Variants in NFIL3 observed in about 807,000 individuals in gnomAD.
NFIL3 encodes nuclear factor, interleukin 3 regulated.
A neutral mutation model predicts 10.0 loss-of-function variants in NFIL3; 5 were observed. The ratio of observed to expected loss-of-function variants is 0.50; its 90% confidence interval spans 0.26 to 1.06. The LOEUF is 1.06. Ranked by LOEUF, NFIL3 falls within the 50% of genes least tolerant of loss-of-function variation. NFIL3 has a pLI of 0.13. For synonymous variants in NFIL3, 202 were observed against 206.5 expected (o/e 0.98, Z 0.19); for missense variants, 436 against 547.6 (o/e 0.80, Z 2.03).
the NFIL3 span, among the ~76,000 whole-genome samples, chr9:91,467,566 T>C: frequency 1.8e-4 from 27 of 152,326 alleles, no homozygotes; most frequent in African/African-American, 4.6e-4. Flanking sequence ...CTTTGAGTTC[T>C]AGGGTACATG....
upstream of NFIL3, among the ~76,000 whole-genome samples, chr9:91,427,748 C>T: frequency 6.6e-6 from 1 of 152,116 alleles, no homozygotes; most frequent in East Asian, 1.9e-4. Context: ...TCAAGCAAAC[C>T]TCCAACCTCA....
chr9:91,476,463 T>C, the NFIL3 span, among the ~76,000 whole-genome samples: 1 of 151,848 alleles, frequency 6.6e-6, no homozygotes, highest in African/African-American at 2.4e-5. Flanking sequence ...ATCCCAGCTA[T>C]TCTGGAGGCT....
chr9:91,468,447 C>A, the NFIL3 span, among the ~76,000 whole-genome samples: 3 of 151,998 alleles, frequency 2.0e-5, no homozygotes, highest in African/African-American at 7.2e-5. Context: ...GCCCTTTGTC[C>A]GATGAGTAGA....
At chr9:91,445,485 G>T in the NFIL3 span, among the ~76,000 whole-genome samples, 1 of 152,190 alleles carries the variant, frequency 6.6e-6, no homozygotes, top group Non-Finnish European at 1.5e-5. Context: ...TTTTAGGGAG[G>T]CAGGGCCTTT....
At chr9:91,435,833 A>G in the NFIL3 span, among the ~76,000 whole-genome samples, 6 of 152,142 alleles carry the variant, frequency 3.9e-5, no homozygotes, top group South Asian at 4.1e-4. Flanking sequence ...CTTCCCTTTA[A>G]TACTAGCTGG....
At chr9:91,474,956 G>C in the NFIL3 span, among the ~76,000 whole-genome samples, 1 of 152,170 alleles carries the variant, frequency 6.6e-6, no homozygotes, top group African/African-American at 2.4e-5. Context: ...GAAAGAACCT[G>C]GATGGCCTTG....
the NFIL3 span, among the ~76,000 whole-genome samples, chr9:91,449,705 G>T: frequency 6.6e-6 from 1 of 151,966 alleles, no homozygotes; most frequent in Non-Finnish European, 1.5e-5. Context: ...TGATATCAGG[G>T]TAATGCTGAC....
At chr9:91,483,182 C>G in the NFIL3 span, among the ~76,000 whole-genome samples, 1 of 152,112 alleles carries the variant, frequency 6.6e-6, no homozygotes, top group Non-Finnish European at 1.5e-5. Context: ...GGTGGAGAAG[C>G]TAGGAAGCTG....
the NFIL3 span, among the ~76,000 whole-genome samples, chr9:91,470,735 G>A: frequency 6.6e-6 from 1 of 152,074 alleles, no homozygotes; most frequent in Non-Finnish European, 1.5e-5. Context: ...GTTCTCATTG[G>A]TTTCAAAGAA....
At chr9:91,411,961 G>A (rs1833558229) in intron 1 of NFIL3, among the ~76,000 whole-genome samples, 1 of 151,798 alleles carries the variant, frequency 6.6e-6, no homozygotes, top group Non-Finnish European at 1.5e-5. Context: ...AATTAGCTGG[G>A]TGTGGTGGTG....
intron 1 of NFIL3, among the ~76,000 whole-genome samples, chr9:91,423,159 T>A (rs1031803251): frequency 1.3e-5 from 2 of 151,978 alleles, no homozygotes; most frequent in African/African-American, 4.8e-5. Flanking sequence ...CTACCAACCC[T>A]TTTTCTCACC....
At chr9:91,442,318 T>C in the NFIL3 span, among the ~76,000 whole-genome samples, 1 of 152,354 alleles carries the variant, frequency 6.6e-6, no homozygotes, top group East Asian at 1.9e-4. Context: ...AATAGTCTAA[T>C]GAGAATGCTG....
At chr9:91,466,190 T>C in the NFIL3 span, among the ~76,000 whole-genome samples, 1 of 152,122 alleles carries the variant, frequency 6.6e-6, no homozygotes, top group African/African-American at 2.4e-5. Context: ...ACAGGAGATA[T>C]GTTAGGACAT....
At chr9:91,463,239 A>C in the NFIL3 span, among the ~76,000 whole-genome samples, 2 of 151,416 alleles carry the variant, frequency 1.3e-5, no homozygotes, top group Non-Finnish European at 3.0e-5. Flanking sequence ...TCTAGGCTTA[A>C]ATTGTTCTTC....
chr9:91,432,148 G>A, the NFIL3 span, among the ~76,000 whole-genome samples: 1 of 152,274 alleles, frequency 6.6e-6, no homozygotes, highest in South Asian at 2.1e-4. Flanking sequence ...ATGATGTAGG[G>A]TAGTTGGCAC....
chr9:91,417,081 T>C (rs1833671132), intron 1 of NFIL3, among the ~76,000 whole-genome samples: 1 of 152,190 alleles, frequency 6.6e-6, no homozygotes, highest in Non-Finnish European at 1.5e-5. Flanking sequence ...AAATCTACTC[T>C]GAGAACATTT....
chr9:91,461,252 C>T, the NFIL3 span, among the ~76,000 whole-genome samples: 1 of 152,166 alleles, frequency 6.6e-6, no homozygotes, highest in South Asian at 2.1e-4. Flanking sequence ...AAATACATCC[C>T]TTAGGAAAAT....
At chr9:91,424,065 C>T (rs1048774088), upstream of NFIL3, among the ~76,000 whole-genome samples, 2 of 151,114 alleles carry the variant, frequency 1.3e-5, no homozygotes, top group South Asian at 2.1e-4. Context: ...CCAGGGCCAC[C>T]GCCGTCCGAG....
the NFIL3 span, among the ~76,000 whole-genome samples, chr9:91,443,791 G>A: frequency 0.13 from 20,437 of 152,176 alleles, 1,523 homozygotes; most frequent in East Asian, 0.34. Context: ...CCAGCTCCAT[G>A]AGCATGCAGC....
Sources: gnomAD v4.1 joint callset for allele counts (sites outside exome capture counted in the v4.1 genomes callset) on GRCh38, gnomAD v4.1.1 for gene constraint, MANE v1.5 for transcripts, NCBI Gene and HGNC (gene_info 2026-07-23, HGNC 2026-07-21) for gene names.